MAGI3: variants seen among roughly 807,000 people sequenced by gnomAD.
The protein encoded by MAGI3 is membrane associated guanylate kinase, WW and PDZ domain containing 3, also known as membrane-associated guanylate kinase, WW and PDZ domain-containing protein 3.
In MAGI3, 43 loss-of-function variants were observed where a neutral mutation model predicts 121.8. The observed-to-expected ratio is 0.35, with a 90% CI of 0.28 to 0.46. The LOEUF is 0.46. MAGI3 is among the 20% of genes least tolerant of loss of function. MAGI3 has a pLI of 1.00. For missense variants in MAGI3, 1,547 were observed against 1,797.3 expected (o/e 0.86, Z 2.52); for synonymous variants, 553 against 639.3 (o/e 0.86, Z 2.04).
At chr1:113,403,159 C>G (rs1570621211) in intron 1 of MAGI3, among the ~76,000 whole-genome samples, 1 of 152,196 alleles carries the variant, frequency 6.6e-6, no homozygotes, top group African/African-American at 2.4e-5. Flanking sequence ...ATTTCCAGGA[C>G]ACCTTGAAAC....
At chr1:113,624,360 C>G (rs1451764671) in intron 9 of MAGI3, among the ~76,000 whole-genome samples, 4 of 152,152 alleles carry the variant, frequency 2.6e-5, no homozygotes, top group Non-Finnish European at 5.9e-5. Flanking sequence ...CACACCCTCT[C>G]CAGCATTTGT....
chr1:113,623,453 T>TACACACACACACACACACACACACACAC (rs796174057), intron 9 of MAGI3, among the ~76,000 whole-genome samples: 56 of 126,098 alleles, frequency 4.4e-4, no homozygotes, highest in African/African-American at 1.4e-3. Flanking sequence ...TACACACACA[T>TACACACACACACACACACACACACACAC]ACACACACAC....
chr1:113,610,410 A>G (rs1287785912), intron 6 of MAGI3, among the ~76,000 whole-genome samples: 1 of 152,162 alleles, frequency 6.6e-6, no homozygotes, highest in African/African-American at 2.4e-5. Context: ...CAGTTTATCT[A>G]GGTAATCATG....
intron 16 of MAGI3, 37 bp downstream of exon 16, chr1:113,659,302 C>T: frequency 1.2e-6 from 2 of 1,600,988 alleles, no homozygotes; most frequent in Non-Finnish European, 1.7e-6. Context: ...CCAAGCTGAT[C>T]TGAGAGGCAC....
At chr1:113,531,369 G>C (rs1420163776) in intron 1 of MAGI3, among the ~76,000 whole-genome samples, 2 of 152,158 alleles carry the variant, frequency 1.3e-5, no homozygotes, top group Non-Finnish European at 2.9e-5. Context: ...TTTTAGTTAG[G>C]TTTAATTTTT....
chr1:113,587,280 C>A (rs1648429878), intron 4 of MAGI3, among the ~76,000 whole-genome samples: 1 of 152,240 alleles, frequency 6.6e-6, no homozygotes, highest in Non-Finnish European at 1.5e-5. Context: ...TCACTGCAAT[C>A]TGTCTCCTAG....
intron 9 of MAGI3, among the ~76,000 whole-genome samples, chr1:113,632,361 A>C (rs1045104573): frequency 1.3e-5 from 2 of 152,188 alleles, no homozygotes; most frequent in Non-Finnish European, 2.9e-5. Context: ...TAATATGCTT[A>C]TCTAATTTGC....
At chr1:113,416,084 T>TATTAATTATGTAATTAATGACACAG (rs1557743840) in intron 1 of MAGI3, among the ~76,000 whole-genome samples, 7 of 136,356 alleles carry the variant, frequency 5.1e-5, no homozygotes, top group African/African-American at 1.1e-4. Flanking sequence ...TAATGACACA[T>TATTAATTATGTAATTAATGACACAG]ATTAATTATG....
intron 5 of MAGI3, among the ~76,000 whole-genome samples, chr1:113,592,362 T>G (rs1045002768): frequency 1.3e-5 from 2 of 152,194 alleles, no homozygotes; most frequent in African/African-American, 4.8e-5. Context: ...ATATCCCCTA[T>G]GGATATTTCT....
At chr1:113,624,815 G>T (rs1291522152) in intron 9 of MAGI3, among the ~76,000 whole-genome samples, 1 of 152,072 alleles carries the variant, frequency 6.6e-6, no homozygotes, top group Non-Finnish European at 1.5e-5. Context: ...TTTCCCCAAT[G>T]TTTTCTTTTT....
chr1:113,496,533 G>T (rs1284747342), intron 1 of MAGI3, among the ~76,000 whole-genome samples: 2 of 152,116 alleles, frequency 1.3e-5, no homozygotes, highest in African/African-American at 4.8e-5. Flanking sequence ...TTTCACAAAA[G>T]GAGCAAACCT....
intron 1 of MAGI3, among the ~76,000 whole-genome samples, chr1:113,434,390 C>T (rs985512993): frequency 2.6e-5 from 4 of 151,982 alleles, no homozygotes; most frequent in Non-Finnish European, 4.4e-5. Flanking sequence ...GACAACATAG[C>T]GAGACCTTAT....
At chr1:113,648,685 G>A (rs1431297419) in intron 12 of MAGI3, among the ~76,000 whole-genome samples, 1 of 151,976 alleles carries the variant, frequency 6.6e-6, no homozygotes, top group Non-Finnish European at 1.5e-5. Context: ...CCTAGAAAAT[G>A]GGGCTAATAA....
chr1:113,585,342 T>G, intron 3 of MAGI3, 45 bp from the exon 4 acceptor site: 1 of 1,570,128 alleles, frequency 6.4e-7, no homozygotes, highest in Non-Finnish European at 8.8e-7. Flanking sequence ...GCTCTGACTC[T>G]CACTGCAACA....
chr1:113,442,607 TTA>T (rs1193332405), intron 1 of MAGI3, among the ~76,000 whole-genome samples: 4 of 151,778 alleles, frequency 2.6e-5, no homozygotes, highest in Non-Finnish European at 5.9e-5. Flanking sequence ...TACAGGCATA[TTA>T]TATGTCATGT....
chr1:113,396,717 G>T (rs1224671299), intron 1 of MAGI3, among the ~76,000 whole-genome samples: 2 of 152,078 alleles, frequency 1.3e-5, no homozygotes, highest in Non-Finnish European at 2.9e-5. Flanking sequence ...ATACTTAGTG[G>T]TGCACCCACC....
At chr1:113,610,890 T>C (rs1193175116) in intron 6 of MAGI3, among the ~76,000 whole-genome samples, 2 of 151,352 alleles carry the variant, frequency 1.3e-5, no homozygotes, top group South Asian at 2.1e-4. Flanking sequence ...GCTGAGATCA[T>C]GCCATTGCAC....
intron 10 of MAGI3, among the ~76,000 whole-genome samples, chr1:113,642,961 A>T (rs1397052585): frequency 6.6e-6 from 1 of 152,208 alleles, no homozygotes; most frequent in Non-Finnish European, 1.5e-5. Flanking sequence ...AAAATGTTGG[A>T]TGGTGTATTA....
intron 6 of MAGI3, among the ~76,000 whole-genome samples, chr1:113,599,967 A>G (rs1322200721): frequency 6.6e-6 from 1 of 152,210 alleles, no homozygotes; most frequent in African/African-American, 2.4e-5. Flanking sequence ...CCAAAGACAA[A>G]AACCACATGG....
Sources: allele counts gnomAD v4.1 joint callset (sites outside exome capture counted in the v4.1 genomes callset), GRCh38; gene constraint gnomAD v4.1.1; transcripts MANE v1.5; gene names NCBI Gene and HGNC (gene_info 2026-07-23, HGNC 2026-07-21).